Variants in CCDC15 observed in about 807,000 individuals in gnomAD.
The protein encoded by CCDC15 is coiled-coil domain-containing protein 15.
In CCDC15, 105 loss-of-function variants were observed where a neutral mutation model predicts 114.5. The observed-to-expected ratio is 0.92, with a 90% CI of 0.78 to 1.08. The LOEUF (loss-of-function observed/expected upper bound fraction) is 1.08. Ranked by LOEUF, CCDC15 falls within the 50% of genes least tolerant of loss-of-function variation. CCDC15 has a pLI of 0.00. For missense variants in CCDC15, 1,105 were observed against 1,093.6 expected (o/e 1.01, Z -0.15); for synonymous variants, 334 against 377.8 (o/e 0.88, Z 1.34).
chr11:125,040,576 A>C lies in CCDC15; in HGVS notation c.2735-14A>C. 6.3e-7 allele frequency: 1 copy of C among 1,597,284 alleles called. No homozygotes were observed. Among genetic ancestry groups the C allele is most frequent in the Non-Finnish European group, 8.5e-7 (1 of 1,171,100 alleles). The stretch of plus-strand genomic sequence containing the variant: ...TTTGACTTTATTCATTGCTGTGCAA[A>C]CCTTTTTTTGCAGCATATACTCGGG... On this transcript the variant is annotated splice_polypyrimidine_tract_variant and intron_variant, in intron 15 of 15. Coordinates refer to ENST00000344762, the MANE Select transcript of CCDC15 (RefSeq NM_025004.3).
intron 4 of CCDC15, among the ~76,000 whole-genome samples, chr11:124,967,568 G>A (rs1307254548): frequency 6.6e-6 from 1 of 152,098 alleles, no homozygotes; most frequent in Admixed American, 6.5e-5. Context: ...CCTTGCGATG[G>A]GTTCAAACAT....
intron 11 of CCDC15, among the ~76,000 whole-genome samples, chr11:125,001,802 T>C (rs1049151987): frequency 2.6e-5 from 4 of 152,220 alleles, no homozygotes; most frequent in Non-Finnish European, 4.4e-5. Flanking sequence ...AATTCATCTA[T>C]TGATGGAAGT....
rs143562854 is a variant in CCDC15 at position 124,977,309 on chromosome 11, C to T, written c.631-169C>T. 4.5e-3 allele frequency among the ~76,000 whole-genome samples: 690 copies of T among 152,106 alleles called. 6 individuals carry two copies. The highest frequency in any genetic ancestry group is 0.015 in the African/African-American group (619 of 41,504). On this transcript the variant is annotated intron_variant, in intron 5 of 15. Coordinates refer to ENST00000344762, the MANE Select transcript of CCDC15 (RefSeq NM_025004.3). ...TATTCCATATGGTTTTATATGTGAG[C>T]GCTTTGTTTGTACATATGAAGTAGA...
At chr11:125,010,436 C>T (rs1300162409) in intron 13 of CCDC15, among the ~76,000 whole-genome samples, 1 of 150,706 alleles carries the variant, frequency 6.6e-6, no homozygotes, top group Non-Finnish European at 1.5e-5. Flanking sequence ...ATTCTCAGCT[C>T]ACTGCAATGT....
At chr11:124,982,989 C>G (rs1948096897) in intron 6 of CCDC15, among the ~76,000 whole-genome samples, 1 of 151,970 alleles carries the variant, frequency 6.6e-6, no homozygotes, top group African/African-American at 2.4e-5. Context: ...TTTGTTTATT[C>G]TTCTTTATTC....
intron 13 of CCDC15, among the ~76,000 whole-genome samples, chr11:125,012,812 A>G (rs1948603105): frequency 6.6e-6 from 1 of 152,204 alleles, no homozygotes; most frequent in African/African-American, 2.4e-5. Flanking sequence ...AAAACTTACT[A>G]CATGCCAGGG....
chr11:125,022,285 A>G (rs536158213), intron 13 of CCDC15, among the ~76,000 whole-genome samples: 1 of 151,808 alleles, frequency 6.6e-6, no homozygotes, highest in Non-Finnish European at 1.5e-5. Flanking sequence ...TATCTTCACT[A>G]GTATAAAAGC....
intron 4 of CCDC15, 96 bp downstream of exon 4, chr11:124,960,099 T>C: frequency 2.3e-6 from 2 of 867,770 alleles, no homozygotes; most frequent in Non-Finnish European, 3.2e-6. Flanking sequence ...GGATTAAGAG[T>C]TATCACACTC....
chr11:124,979,803 T>C (rs946215722), intron 6 of CCDC15, among the ~76,000 whole-genome samples: 1 of 152,192 alleles, frequency 6.6e-6, no homozygotes, highest in Non-Finnish European at 1.5e-5. Flanking sequence ...TCTAGTACCA[T>C]GTTGAATAGG....
chr11:124,991,786 C>T (rs1419179374), intron 9 of CCDC15, among the ~76,000 whole-genome samples: 20 of 152,268 alleles, frequency 1.3e-4, no homozygotes, highest in Admixed American at 1.1e-3. Flanking sequence ...TGGGTTCAAA[C>T]GATTCTCCTG....
At chr11:124,969,304 T>C (rs1167545987) in intron 4 of CCDC15, among the ~76,000 whole-genome samples, 2 of 152,164 alleles carry the variant, frequency 1.3e-5, no homozygotes, top group African/African-American at 2.4e-5. Context: ...GCTAGAATTG[T>C]AGACTGGAAG....
intron 6 of CCDC15, among the ~76,000 whole-genome samples, chr11:124,984,099 A>C (rs1168961793): frequency 6.6e-6 from 1 of 151,900 alleles, no homozygotes. Context: ...GTGCGCTCAC[A>C]TTGGCAGCAG....
At chr11:124,990,394 T>G (rs778331037) in intron 8 of CCDC15, among the ~76,000 whole-genome samples, 2 of 152,124 alleles carry the variant, frequency 1.3e-5, no homozygotes, top group Non-Finnish European at 2.9e-5. Context: ...TTGTGAAAAT[T>G]TCCAAAATGT....
chr11:124,992,279 C>T (rs1172426688), intron 9 of CCDC15, among the ~76,000 whole-genome samples: 7 of 152,138 alleles, frequency 4.6e-5, no homozygotes, highest in African/African-American at 1.7e-4. Context: ...GATTATTCTT[C>T]AACTCTTACC....
chr11:124,959,303 A>G, intron 3 of CCDC15, 39 bp downstream of exon 3: 1 of 1,506,366 alleles, frequency 6.6e-7, no homozygotes, highest in Non-Finnish European at 8.9e-7. Context: ...ATTGAATGGA[A>G]AATATGTGTG....
At chr11:124,995,073 T>C (rs1041834900) in intron 11 of CCDC15, among the ~76,000 whole-genome samples, 2 of 152,190 alleles carry the variant, frequency 1.3e-5, no homozygotes, top group Non-Finnish European at 2.9e-5. Flanking sequence ...CCTAAGGGTA[T>C]GCTGCTGTGT....
chr11:124,992,624 G>C lies in CCDC15; in HGVS notation c.2076G>C (p.Leu692Phe). The change falls in exon 10 of 16, where the codon TTG becomes TTC. Residue 692 changes from leucine to phenylalanine, a missense_variant. Leu to Phe is a conservative substitution (Grantham distance 22). Transcript: ENST00000344762. ...GAGAAGAAAGAGTGAGAGAAGAATTGCCTCTGGACTATCATCAATATGTTG... is the reference window on the plus strand; with the variant it reads ...GAGAAGAAAGAGTGAGAGAAGAATTCCCTCTGGACTATCATCAATATGTTG... ...FMREERVREE[L>F]PLDYHQYVVP... 2 of 1,601,590 alleles carry C rather than the reference G, an allele frequency of 1.2e-6. No homozygotes were observed. Among genetic ancestry groups the C allele is most frequent in the Non-Finnish European group, 1.7e-6 (2 of 1,173,582 alleles).
At chr11:125,003,320 G>A (rs1245674500) in intron 11 of CCDC15, among the ~76,000 whole-genome samples, 1 of 151,844 alleles carries the variant, frequency 6.6e-6, no homozygotes, top group Admixed American at 6.6e-5. Flanking sequence ...TCTAAAAGTT[G>A]GAGATCATTA....
intron 6 of CCDC15, 128 bp downstream of exon 6, chr11:124,977,728 C>T: frequency 1.1e-6 from 1 of 901,904 alleles, no homozygotes; most frequent in Non-Finnish European, 1.6e-6. Context: ...AGATATAATT[C>T]ATATACCATA....
Sources: allele counts gnomAD v4.1 joint callset (sites outside exome capture counted in the v4.1 genomes callset), GRCh38; gene constraint gnomAD v4.1.1; transcripts MANE v1.5; gene names NCBI Gene and HGNC (gene_info 2026-07-23, HGNC 2026-07-21).